Variants in CACNA1I observed in about 807,000 individuals in gnomAD.
CACNA1I encodes the protein calcium voltage-gated channel subunit alpha1 I.
CACNA1I carries 74 observed loss-of-function variants against 201.6 expected under a neutral mutation model. That is an observed-to-expected ratio of 0.37 (90% confidence interval 0.30 to 0.45). The LOEUF (loss-of-function observed/expected upper bound fraction) is 0.45. Among genes scored for constraint, CACNA1I ranks in the 20% least tolerant of loss-of-function variants. The pLI is 1.00. For missense variants in CACNA1I, 2,346 were observed against 3,138.1 expected, an observed-to-expected ratio of 0.75 and a Z score of 6.03; for synonymous variants, 1,431 against 1,345.2, an observed-to-expected ratio of 1.06 and a Z score of -1.40.
At chr22:39,588,235 T>C (rs2145813327) in intron 1 of CACNA1I, among the ~76,000 whole-genome samples, 1 of 146,896 alleles carries the variant, frequency 6.8e-6, no homozygotes, top group East Asian at 2.0e-4. Flanking sequence ...TGGGCTTAAG[T>C]GATCCTCCTG....
In CACNA1I at chr22:39,660,423, T is replaced by C; in HGVS notation, c.2684T>C (p.Leu895Pro). 2 of 1,611,850 alleles carry C rather than the reference T, an allele frequency of 1.2e-6. No homozygotes were observed. The highest frequency in any genetic ancestry group is 2.2e-5 in the South Asian group (2 of 90,576). The change falls in exon 15 of 37, where the codon CTG (leucine) becomes CCG (proline). Residue 895 changes from leucine (L) to proline (P), a missense_variant. Physicochemically the swap from Leu to Pro is moderately conservative, Grantham distance 98. Around this residue, in one of 13 missense-constraint regions of CACNA1I, gnomAD observed 92 missense variants for 114.5 expected, o/e 0.80. Coordinates refer to ENST00000402142, the MANE Select transcript of CACNA1I (RefSeq NM_021096.4). ...GAGTTTGATAAGCTCCAGGAAGGCCTGGACAGCAGCGGAGGTAAACAGGCC... is the reference window on the plus strand; with the variant it reads ...GAGTTTGATAAGCTCCAGGAAGGCCCGGACAGCAGCGGAGGTAAACAGGCC... Reference protein sequence around the residue: ...IEEFDKLQEGLDSSGDPKLCP... With the variant: ...IEEFDKLQEGPDSSGDPKLCP...
chr22:39,642,708 A>G (rs1441549268), intron 6 of CACNA1I, 89 bp from the exon 7 acceptor site: 13 of 830,886 alleles, frequency 1.6e-5, no homozygotes, highest in East Asian at 5.3e-5. Context: ...GTTCTGGCAC[A>G]CAGTGGGGCC....
chr22:39,663,500 A>C (rs1175479933), intron 18 of CACNA1I, among the ~76,000 whole-genome samples: 3 of 152,086 alleles, frequency 2.0e-5, no homozygotes, highest in Non-Finnish European at 4.4e-5. Context: ...AGTGCCAGGG[A>C]AAGGTGGGTG....
At position 39,677,525 on chromosome 22, in the gene CACNA1I, C is replaced by T; in HGVS notation, c.4933+106C>T. The T allele has an allele frequency of 1.3e-6, 1 of 775,880 alleles. No individual in the cohort carries two copies. Among genetic ancestry groups the T allele is most frequent in the Non-Finnish European group, 2.0e-6 (1 of 496,760 alleles). 48.1% of individuals were successfully genotyped at this position (775,880 alleles called of 1,614,324 possible). A position where few individuals can be genotyped will look rare whatever the true frequency, so the allele number is the denominator to read the frequency against. On this transcript the variant is annotated intron_variant, in intron 30 of 36. Transcript: ENST00000402142. The surrounding 1 kb of genome is among the most constrained non-coding windows in gnomAD (Gnocchi z 4.8). ...ACCCCTGAGCCCGTCACATCAGGGT[C>T]TTTGTATTGGGGAGATGCCTACAGC...
At position 39,686,928 on chromosome 22, in the gene CACNA1I, A is replaced by G. The variant is rs967892118; in HGVS notation, c.*523A>G. ...CACCAGGCCCTGGAGAAGAGGTGCA[A>G]TTCAGGGTGTGTGTGTGTTTTTTTT... On this transcript the variant is annotated 3_prime_UTR_variant, in exon 37 of 37. Coordinates refer to ENST00000402142, the MANE Select transcript of CACNA1I (RefSeq NM_021096.4). 5.3e-5 allele frequency: 8 copies of G among 151,638 alleles called. No homozygotes were observed. Among genetic ancestry groups the G allele is most frequent in the African/African-American group, 1.7e-4 (7 of 41,300 alleles). The allele number at this position is 151,638 out of a possible 1,614,324, so 9.4% of individuals were successfully genotyped here.
intron 1 of CACNA1I, among the ~76,000 whole-genome samples, chr22:39,586,922 T>C (rs1470311042): frequency 1.3e-5 from 2 of 152,152 alleles, no homozygotes; most frequent in Non-Finnish European, 2.9e-5. Context: ...CCTTCCTGCC[T>C]GCATACTTTC....
chr22:39,618,355 GGTT>G (rs1373893907), intron 3 of CACNA1I, among the ~76,000 whole-genome samples: 1 of 151,502 alleles, frequency 6.6e-6, no homozygotes, highest in African/African-American at 2.4e-5. Flanking sequence ...GTGGGTGTGT[GGTT>G]GTGTGCGTGT....
chr22:39,654,765 C>A (rs1406957315), intron 10 of CACNA1I, among the ~76,000 whole-genome samples: 4 of 152,038 alleles, frequency 2.6e-5, no homozygotes, highest in Non-Finnish European at 5.9e-5. Flanking sequence ...ATCAGCGAGA[C>A]AGAGGGACAG....
At chr22:39,619,474 T>C in intron 4 of CACNA1I, 67 bp downstream of exon 4, 1 of 1,249,308 alleles carries the variant, frequency 8.0e-7, no homozygotes. Flanking sequence ...ATCCCTGGCC[T>C]ACCTAGCCAA....
intron 4 of CACNA1I, among the ~76,000 whole-genome samples, chr22:39,628,026 A>G (rs1171236579): frequency 6.6e-6 from 1 of 152,122 alleles, no homozygotes; most frequent in Non-Finnish European, 1.5e-5. Context: ...TGGACCCTGC[A>G]GGGAGAAGTG....
rs371655186 is a variant in CACNA1I, at chr22:39,686,819, C to T, written c.*414C>T. The T allele has an allele frequency of 6.6e-6, 1 of 151,744 alleles. No individual in the cohort carries two copies. The highest frequency in any genetic ancestry group is 2.4e-5 in the African/African-American group (1 of 41,316). The allele number at this position is 151,744 out of a possible 1,614,324, so 9.4% of individuals were successfully genotyped here. ...GCCAGACCCACCCCAGGGCACATGTCCTGCGGGGGCGTCCCAGCTGTGTTT... is the reference window on the plus strand; with the variant it reads ...GCCAGACCCACCCCAGGGCACATGTTCTGCGGGGGCGTCCCAGCTGTGTTT... On this transcript the variant is annotated 3_prime_UTR_variant, in exon 37 of 37. Transcript: ENST00000402142.
At position 39,668,317 on chromosome 22, in the gene CACNA1I, C is replaced by T; in HGVS notation, c.4130C>T (p.Ala1377Val). The change falls in exon 24 of 37, where the codon GCA becomes GTA. Residue 1377 changes from alanine to valine, a missense_variant. By Grantham distance (64) the Ala-to-Val change is moderately conservative. This residue lies in a region of CACNA1I where 228 missense variants were observed against 395.7 expected (regional missense o/e 0.58). Transcript: ENST00000402142. ...GQALMSLFVL[A>V]SKDGWVNIMY... is the part of the protein sequence containing the mutation. ...GCTCTGATGTCCCTCTTTGTCCTGG[C>T]ATCCAAGGATGGTTGGGTGAACATC... 1 of 1,613,328 alleles carries T rather than the reference C, an allele frequency of 6.2e-7. No individual in the cohort carries two copies. Among genetic ancestry groups the T allele is most frequent in the Non-Finnish European group, 8.5e-7 (1 of 1,179,352 alleles).
chr22:39,642,097 C>T (rs2146420955), intron 6 of CACNA1I, among the ~76,000 whole-genome samples: 1 of 152,262 alleles, frequency 6.6e-6, no homozygotes, highest in East Asian at 1.9e-4. Context: ...TGCGCTGCCT[C>T]TGCTGCCCTG....
chr22:39,683,920 T>C (rs967499688), intron 35 of CACNA1I, among the ~76,000 whole-genome samples: 3 of 152,320 alleles, frequency 2.0e-5, no homozygotes, highest in African/African-American at 4.8e-5. Flanking sequence ...CTGATCCTAG[T>C]GAGCACCTAC....
At chr22:39,597,205 C>T (rs956683158) in intron 1 of CACNA1I, among the ~76,000 whole-genome samples, 2 of 152,176 alleles carry the variant, frequency 1.3e-5, no homozygotes, top group Non-Finnish European at 2.9e-5. Flanking sequence ...GAGCAGGCTT[C>T]GGATTTCTTA....
At chr22:39,651,675 A>G (rs929920222) in intron 10 of CACNA1I, among the ~76,000 whole-genome samples, 3 of 152,120 alleles carry the variant, frequency 2.0e-5, no homozygotes, top group African/African-American at 7.2e-5. Flanking sequence ...GCTACCCTCG[A>G]GCCCCGGCAC....
intron 23 of CACNA1I, 65 bp from the exon 24 acceptor site, chr22:39,668,227 G>T: frequency 1.1e-6 from 1 of 915,644 alleles, no homozygotes; most frequent in Middle Eastern, 2.1e-4. Flanking sequence ...AGCTGAGGAG[G>T]GGTGGCTGCA....
rs1199464054 is a variant in CACNA1I at position 39,670,069 on chromosome 22, T to C, written c.4226T>C (p.Leu1409Pro). 2.5e-6 allele frequency: 4 copies of C among 1,612,668 alleles called. No homozygotes were observed. The highest frequency in any genetic ancestry group is 3.4e-6 in the Non-Finnish European group (4 of 1,179,860). The change falls in exon 25 of 37, where the codon CTG becomes CCG. Residue 1409 changes from leucine to proline, a missense_variant. By Grantham distance (98) the Leu-to-Pro change is moderately conservative. This residue lies in a region of CACNA1I where 228 missense variants were observed against 395.7 expected (regional missense o/e 0.58). Transcript: ENST00000402142. ...ACCAACCACAACCCCTGGATGCTGCTGTACTTCATCTCCTTCCTGCTCATC... is the reference window on the plus strand; with the variant it reads ...ACCAACCACAACCCCTGGATGCTGCCGTACTTCATCTCCTTCCTGCTCATC... ...PVTNHNPWML[L>P]YFISFLLIVS... is the part of the protein sequence containing the mutation.
chr22:39,684,338 C>G lies in CACNA1I; in HGVS notation c.5867C>G (p.Pro1956Arg), dbSNP rs1167809309. The change falls in exon 36 of 37, where the codon CCT (proline) becomes CGT (arginine). Residue 1956 changes from proline (P) to arginine (R), a missense_variant. Physicochemically the swap from Pro to Arg is moderately radical, Grantham distance 103. Coordinates refer to ENST00000402142, the MANE Select transcript of CACNA1I (RefSeq NM_021096.4). This position sits in a 1 kb window ranked among gnomAD's most constrained non-coding sequence, Gnocchi z 4.6. ...CCCTTCTCCCCGGATGCCTCCAGCC[C>G]TCTCCTGCCCATGCCAGCCGAGTTC... ...PSPFSPDASSPLLPMPAEFFH... is the reference protein window; with the variant it reads ...PSPFSPDASSRLLPMPAEFFH... 5.6e-6 allele frequency: 9 copies of G among 1,613,552 alleles called. No homozygotes were observed. The highest frequency in any genetic ancestry group is 3.3e-5 in the Admixed American group (2 of 60,004).
Sources: allele counts gnomAD v4.1 joint callset (sites outside exome capture counted in the v4.1 genomes callset), GRCh38; gene constraint gnomAD v4.1.1; regional missense constraint gnomAD v4.1.1; non-coding constraint Gnocchi (gnomAD v3.1); transcripts MANE v1.5; gene names NCBI Gene and HGNC (gene_info 2026-07-23, HGNC 2026-07-21).